PPIG: variants seen among roughly 807,000 people sequenced by gnomAD.
PPIG encodes peptidylprolyl isomerase G, also known as peptidyl-prolyl cis-trans isomerase G.
A neutral mutation model predicts 87.9 loss-of-function variants in PPIG; 26 were observed. That is an observed-to-expected ratio of 0.30 (90% CI 0.22 to 0.41). The LOEUF (loss-of-function observed/expected upper bound fraction) is 0.41. Among genes scored for constraint, PPIG ranks in the 10% least tolerant of loss-of-function variants. The probability of loss-of-function intolerance (pLI) is 1.00; values close to 1 mark genes in which losing one functional copy is unlikely to be tolerated. For synonymous variants in PPIG, 308 were observed against 276.5 expected, an observed-to-expected ratio of 1.11 and a Z score of -1.13; for missense variants, 722 against 879.4, an observed-to-expected ratio of 0.82 and a Z score of 2.26.
intron 5 of PPIG, 56 bp from the exon 6 acceptor site, chr2:169,607,048 G>C (rs1179537684): frequency 8.5e-6 from 9 of 1,062,522 alleles, no homozygotes; most frequent in Non-Finnish European, 1.3e-5. Context: ...ATTTTGTTTA[G>C]GTATCACCTT....
intron 1 of PPIG, among the ~76,000 whole-genome samples, chr2:169,594,693 C>T (rs1370998428): frequency 2.0e-5 from 3 of 147,426 alleles, no homozygotes; most frequent in African/African-American, 7.6e-5. Context: ...GGCACAATCT[C>T]GGCTCACTGC....
chr2:169,627,531 T>C (rs1226626586), intron 9 of PPIG, among the ~76,000 whole-genome samples: 1 of 151,992 alleles, frequency 6.6e-6, no homozygotes, highest in African/African-American at 2.4e-5. Context: ...TGGTGTTTTG[T>C]TGTTGTTGTT....
intron 8 of PPIG, 32 bp downstream of exon 8, chr2:169,614,525 T>A: frequency 6.4e-7 from 1 of 1,558,454 alleles, no homozygotes; most frequent in Non-Finnish European, 8.7e-7. Flanking sequence ...TTACAACCTG[T>A]TTTAAATTAA....
chr2:169,615,535 T>G (rs1685589312), intron 9 of PPIG, among the ~76,000 whole-genome samples: 1 of 152,234 alleles, frequency 6.6e-6, no homozygotes, highest in Non-Finnish European at 1.5e-5. Context: ...TTCAACGTTT[T>G]TAGATTCCAC....
intron 1 of PPIG, among the ~76,000 whole-genome samples, chr2:169,587,877 C>T (rs1259010880): frequency 6.6e-6 from 1 of 151,968 alleles, no homozygotes; most frequent in African/African-American, 2.4e-5. Flanking sequence ...GAATGATGGC[C>T]GGGGGTGGTG....
chr2:169,592,801 T>G (rs1684905373), intron 1 of PPIG, among the ~76,000 whole-genome samples: 1 of 152,202 alleles, frequency 6.6e-6, no homozygotes, highest in African/African-American at 2.4e-5. Context: ...TGTTTCTGAT[T>G]AGTAATTAGT....
rs1266333139 is a variant in PPIG, at chr2:169,637,295, A to G, written c.2037A>G (p.Glu679=). ...RDHNSSNNSR[E]KKADRDQSPF... ...ATAATAGCTCAAATAACAGCAGGGA[A>G]AAAAAGGCTGATAGAGATCAAAGTC... The change falls in exon 14 of 14, where the codon GAA becomes GAG. Residue 679 remains glutamate, a synonymous_variant. Transcript: ENST00000260970. 6.2e-7 allele frequency: 1 copy of G among 1,607,464 alleles called. No individual in the cohort carries two copies. The highest frequency in any genetic ancestry group is 8.5e-7 in the Non-Finnish European group (1 of 1,178,642).
intron 1 of PPIG, among the ~76,000 whole-genome samples, chr2:169,600,016 G>T (rs542760344): frequency 6.6e-6 from 1 of 151,546 alleles, no homozygotes; most frequent in East Asian, 1.9e-4. Context: ...GTAAATATTC[G>T]CAAGTACTTT....
intron 1 of PPIG, among the ~76,000 whole-genome samples, chr2:169,591,641 G>C (rs550235462): frequency 1.4e-4 from 22 of 152,026 alleles, no homozygotes; most frequent in Non-Finnish European, 3.1e-4. Flanking sequence ...GTAAGTACAT[G>C]AGGTCAAGTA....
intron 1 of PPIG, among the ~76,000 whole-genome samples, chr2:169,587,626 C>T (rs965410641): frequency 6.6e-6 from 1 of 152,152 alleles, no homozygotes; most frequent in African/African-American, 2.4e-5. Flanking sequence ...CATAAATGGT[C>T]ACCATAAGAA....
chr2:169,618,528 A>T (rs1685661782), intron 9 of PPIG, among the ~76,000 whole-genome samples: 1 of 152,112 alleles, frequency 6.6e-6, no homozygotes, highest in South Asian at 2.1e-4. Flanking sequence ...CCTCAATTTC[A>T]GCACTTGTTA....
chr2:169,619,653 G>T (rs1459542227), intron 9 of PPIG, among the ~76,000 whole-genome samples: 1 of 151,882 alleles, frequency 6.6e-6, no homozygotes, highest in African/African-American at 2.4e-5. Context: ...ATTTTTTGAG[G>T]AGACTTCATT....
At chr2:169,628,076 G>A (rs983647462) in intron 9 of PPIG, among the ~76,000 whole-genome samples, 4 of 152,052 alleles carry the variant, frequency 2.6e-5, no homozygotes, top group Non-Finnish European at 4.4e-5. Context: ...TGTCTCACCA[G>A]CAGCATAGGT....
rs747080846 is a variant in PPIG, at chr2:169,637,065, C to T, written c.1807C>T (p.Arg603Trp). 1.9e-5 allele frequency: 30 copies of T among 1,613,018 alleles called. No individual in the cohort carries two copies. Among genetic ancestry groups the T allele is most frequent in the East Asian group, 2.2e-5 (1 of 44,854 alleles). ...YREQEYRRRGRSRSRERRTPP... is the reference protein window; with the variant it reads ...YREQEYRRRGWSRSRERRTPP... ...AGAACAGGAATACAGGAGAAGAGGA[C>T]GGTCACGAAGCCGAGAGAGAAGAAC... The change falls in exon 14 of 14, where the codon CGG becomes TGG. Residue 603 changes from arginine (R) to tryptophan (W), a missense_variant. Arg to Trp is a moderately radical substitution (Grantham distance 101). This residue lies in a region of PPIG where 476 missense variants were observed against 483.1 expected (regional missense o/e 0.99). Coordinates refer to ENST00000260970, the MANE Select transcript of PPIG (RefSeq NM_004792.3).
At chr2:169,593,443 G>C (rs975152995) in intron 1 of PPIG, among the ~76,000 whole-genome samples, 1 of 151,894 alleles carries the variant, frequency 6.6e-6, no homozygotes, top group Non-Finnish European at 1.5e-5. Context: ...TGATCTACCC[G>C]CCTTGGCCTC....
intron 1 of PPIG, among the ~76,000 whole-genome samples, chr2:169,593,650 C>CTTTTTTTTTTT (rs57902378): frequency 2.8e-5 from 3 of 106,204 alleles, no homozygotes; most frequent in South Asian, 3.1e-4. Context: ...TGCTTTATAT[C>CTTTTTTTTTTT]TTTTTTTTTT....
intron 9 of PPIG, among the ~76,000 whole-genome samples, chr2:169,621,604 C>G (rs1244486139): frequency 6.6e-6 from 1 of 151,936 alleles, no homozygotes; most frequent in Non-Finnish European, 1.5e-5. Context: ...GTTTGTTACT[C>G]TAAACCCTGA....
rs552537748 is a variant in PPIG, at chr2:169,615,926, C to T, written c.547+1202C>T. On this transcript the variant is annotated intron_variant, in intron 9 of 13. Transcript: ENST00000260970. ...GGTTTATTACATAGGTATACACATG[C>T]CATGGTGATTTGCTGAACCCATCAG... is the stretch of plus-strand genomic sequence containing the variant. Among the ~76,000 whole-genome samples, 8 of 152,234 alleles carry T rather than the reference C, an allele frequency of 5.3e-5. No individual in the cohort carries two copies. The South Asian group carries it at 1.7e-3, about 32-fold the overall frequency.
Position 169,624,569 on chromosome 2 carries a change from A to G in PPIG, c.548-6205A>G, listed in dbSNP as rs1322456778. On this transcript the variant is annotated intron_variant, in intron 9 of 13. Coordinates refer to ENST00000260970, the MANE Select transcript of PPIG (RefSeq NM_004792.3). ...AGAAACGCTGAAATCAATTTTGTGT[A>G]AGTAGTTAGGAAGTAGGGTTTTGTT... is the stretch of plus-strand genomic sequence containing the variant. 5.3e-5 allele frequency among the ~76,000 whole-genome samples: 8 copies of G among 152,088 alleles called. No individual in the cohort carries two copies. In the South Asian group the frequency reaches 6.2e-4, roughly 12 times the overall value.
Sources: allele counts gnomAD v4.1 joint callset (sites outside exome capture counted in the v4.1 genomes callset), GRCh38; gene constraint gnomAD v4.1.1; regional missense constraint gnomAD v4.1.1; transcripts MANE v1.5; gene names NCBI Gene and HGNC (gene_info 2026-07-23, HGNC 2026-07-21).